NBAS: variants seen among roughly 807,000 people sequenced by gnomAD.
NBAS encodes NBAS subunit of NRZ tethering complex.
NBAS carries 219 observed loss-of-function variants against 302.5 expected under a neutral mutation model. The ratio of observed to expected loss-of-function variants is 0.72; its 90% CI spans 0.65 to 0.81. NBAS has a LOEUF of 0.81. Ranked by LOEUF, NBAS falls within the 30% of genes least tolerant of loss-of-function variation. NBAS has a pLI of 0.00. For synonymous variants in NBAS, 1,118 were observed against 1,021.6 expected (o/e 1.09, Z -1.80); for missense variants, 2,932 against 2,841.6 (o/e 1.03, Z -0.72).
At chr2:14,849,017 G>A in the NBAS span, among the ~76,000 whole-genome samples, 13 of 151,146 alleles carry the variant, frequency 8.6e-5, no homozygotes, top group African/African-American at 1.2e-4. Flanking sequence ...AACGCAGAGC[G>A]CCTCTCCTCT....
intron 42 of NBAS, among the ~76,000 whole-genome samples, chr2:15,284,490 T>C (rs929328935): frequency 1.3e-5 from 2 of 152,198 alleles, no homozygotes; most frequent in Non-Finnish European, 2.9e-5. Context: ...ACCCTCTCTG[T>C]GTACACTTAT....
At chr2:15,028,326 T>A in the NBAS span, among the ~76,000 whole-genome samples, 1 of 152,148 alleles carries the variant, frequency 6.6e-6, no homozygotes, top group African/African-American at 2.4e-5. Flanking sequence ...CAAATTTGGG[T>A]CTCTGTATTT....
chr2:15,492,567 C>T (rs1680905207), intron 11 of NBAS, among the ~76,000 whole-genome samples: 1 of 152,100 alleles, frequency 6.6e-6, no homozygotes, highest in Non-Finnish European at 1.5e-5. Flanking sequence ...AGTGATCCTC[C>T]CACTTCAGCC....
intron 51 of NBAS, among the ~76,000 whole-genome samples, chr2:15,176,165 C>A (rs1200868054): frequency 6.6e-6 from 1 of 152,162 alleles, no homozygotes; most frequent in South Asian, 2.1e-4. Flanking sequence ...AACAGCTAGA[C>A]GTGAGTCGGG....
At chr2:14,985,130 G>A in the NBAS span, among the ~76,000 whole-genome samples, 2 of 152,170 alleles carry the variant, frequency 1.3e-5, no homozygotes, top group Admixed American at 6.5e-5. Context: ...GTACAGTGAC[G>A]GGCTGGGAAG....
the NBAS span, among the ~76,000 whole-genome samples, chr2:14,848,879 G>C: frequency 6.6e-6 from 1 of 150,392 alleles, no homozygotes; most frequent in Non-Finnish European, 1.5e-5. Context: ...TCTGTTAGAA[G>C]GAAAAATAAC....
chr2:15,178,031 G>C (rs1308213526), intron 51 of NBAS: 1 of 366,248 alleles, frequency 2.7e-6, no homozygotes, highest in African/African-American at 2.1e-5. Context: ...AGAATTTTCT[G>C]TATCCTTTGT....
chr2:15,085,331 A>T, the NBAS span, among the ~76,000 whole-genome samples: 1 of 151,126 alleles, frequency 6.6e-6, no homozygotes, highest in Admixed American at 6.6e-5. Context: ...CCTCAGGAGG[A>T]GGCTCTGCAC....
chr2:14,836,717 A>G, the NBAS span, among the ~76,000 whole-genome samples: 1 of 151,904 alleles, frequency 6.6e-6, no homozygotes, highest in Non-Finnish European at 1.5e-5. Flanking sequence ...TTCTGCGTAC[A>G]GTCACACAAA....
the NBAS span, among the ~76,000 whole-genome samples, chr2:15,134,115 C>T: frequency 8.3e-4 from 124 of 149,024 alleles, no homozygotes; most frequent in Middle Eastern, 7.1e-3. Flanking sequence ...TATGTCCCTC[C>T]CCAAATTCAC....
intron 44 of NBAS, among the ~76,000 whole-genome samples, chr2:15,269,377 G>C (rs548580225): frequency 3.8e-4 from 58 of 152,112 alleles, no homozygotes; most frequent in African/African-American, 1.4e-3. Context: ...ATTGAGACAG[G>C]GTTGCCTATT....
At chr2:15,401,811 G>T (rs1037122567) in intron 26 of NBAS, among the ~76,000 whole-genome samples, 1 of 152,094 alleles carries the variant, frequency 6.6e-6, no homozygotes, top group Non-Finnish European at 1.5e-5. Context: ...AATATAATTA[G>T]CCAATAAATA....
chr2:15,002,964 A>C, the NBAS span, among the ~76,000 whole-genome samples: 1 of 152,256 alleles, frequency 6.6e-6, no homozygotes, highest in Non-Finnish European at 1.5e-5. Context: ...GGCCTTGGCC[A>C]GCCCAGAAGG....
intron 42 of NBAS, 124 bp from the exon 43 acceptor site, chr2:15,277,225 T>A: frequency 8.1e-7 from 1 of 1,235,746 alleles, no homozygotes; most frequent in Non-Finnish European, 1.1e-6. Context: ...TCAAAGACAG[T>A]AAACCACCAC....
chr2:15,333,896 G>A (rs955881076), intron 35 of NBAS, among the ~76,000 whole-genome samples: 1 of 149,636 alleles, frequency 6.7e-6, no homozygotes, highest in Non-Finnish European at 1.5e-5. Context: ...CAGAGGACCA[G>A]GTTCGTACAG....
At chr2:15,014,417 A>G in the NBAS span, among the ~76,000 whole-genome samples, 2,079 of 152,284 alleles carry the variant, frequency 0.014, 43 homozygotes, top group African/African-American at 0.046. Flanking sequence ...TTAAATCAAA[A>G]TTATATCAAA....
chr2:15,069,535 T>TA, the NBAS span, among the ~76,000 whole-genome samples: 34 of 144,142 alleles, frequency 2.4e-4, no homozygotes, highest in African/African-American at 7.8e-4. Context: ...CTGTGGATCT[T>TA]ATCATGGTTT....
chr2:14,955,798 C>T, the NBAS span, among the ~76,000 whole-genome samples: 1 of 152,156 alleles, frequency 6.6e-6, no homozygotes. Context: ...GGTCCCCAGC[C>T]TCCACTCACA....
At chr2:15,552,241 T>A (rs914985513) in intron 5 of NBAS, among the ~76,000 whole-genome samples, 2 of 152,172 alleles carry the variant, frequency 1.3e-5, no homozygotes, top group African/African-American at 4.8e-5. Context: ...ATGGTCTCAT[T>A]TATAAAGGAG....
Sources: gnomAD v4.1 joint callset for allele counts (sites outside exome capture counted in the v4.1 genomes callset) on GRCh38, gnomAD v4.1.1 for gene constraint, MANE v1.5 for transcripts, NCBI Gene and HGNC (gene_info 2026-07-23, HGNC 2026-07-21) for gene names.